Variants in OXR1 observed in about 807,000 individuals in gnomAD.
The protein encoded by OXR1 is oxidation resistance protein 1.
A neutral mutation model predicts 104.6 loss-of-function variants in OXR1; 41 were observed. The observed-to-expected ratio is 0.39, with a 90% CI of 0.31 to 0.51. OXR1 has a LOEUF of 0.51. Ranked by LOEUF, OXR1 falls within the 20% of genes least tolerant of loss-of-function variation. OXR1 has a pLI of 0.77. For missense variants in OXR1, 955 were observed against 1,031.9 expected, an observed-to-expected ratio of 0.93 and a Z score of 1.02; for synonymous variants, 348 against 348.4, an observed-to-expected ratio of 1.00 and a Z score of 0.01.
In OXR1 at chr8:106,706,585, A is replaced by G; in HGVS notation, c.1064A>G (p.Asp355Gly). The part of the protein sequence containing the change: ...SPIREELVSS[D>G]ELRQDKSSGA... Reference sequence around the variant, plus strand: ...ATACGAGAGGAGCTTGTATCTTCAGATGAACTGCGACAAGATAAATCTTCT... The same window carrying G: ...ATACGAGAGGAGCTTGTATCTTCAGGTGAACTGCGACAAGATAAATCTTCT... The change falls in exon 9 of 17, where the codon GAT (aspartate) becomes GGT (glycine). Residue 355 changes from aspartate (D) to glycine (G), a missense_variant. Coordinates refer to ENST00000517566, the MANE Select transcript of OXR1 (RefSeq NM_001198533.2). 6.2e-7 allele frequency: 1 copy of G among 1,612,620 alleles called. No individual in the cohort carries two copies. The highest frequency in any genetic ancestry group is 8.5e-7 in the Non-Finnish European group (1 of 1,179,660).
chr8:106,332,969 T>C (rs1159840742), intron 1 of OXR1, among the ~76,000 whole-genome samples: 1 of 152,166 alleles, frequency 6.6e-6, no homozygotes, highest in Non-Finnish European at 1.5e-5. Flanking sequence ...GTAACATATA[T>C]CATTTATTCA....
intron 3 of OXR1, among the ~76,000 whole-genome samples, chr8:106,631,067 A>G (rs191405619): frequency 1.2e-4 from 18 of 152,326 alleles, no homozygotes; most frequent in African/African-American, 4.1e-4. Flanking sequence ...AAAGTAAGAA[A>G]GACCAACAAT....
chr8:106,574,812 T>A (rs1480711146), intron 3 of OXR1, among the ~76,000 whole-genome samples: 3 of 152,234 alleles, frequency 2.0e-5, no homozygotes, highest in Non-Finnish European at 2.9e-5. Flanking sequence ...GATTCCAGCA[T>A]GTAAAAAATT....
chr8:106,544,074 A>T (rs1815159636), intron 3 of OXR1, among the ~76,000 whole-genome samples: 1 of 152,192 alleles, frequency 6.6e-6, no homozygotes, highest in Non-Finnish European at 1.5e-5. Flanking sequence ...AGCTCCTATA[A>T]GTCTTATGCA....
intron 3 of OXR1, among the ~76,000 whole-genome samples, chr8:106,583,036 G>A (rs1210318356): frequency 1.3e-5 from 2 of 152,112 alleles, no homozygotes; most frequent in Non-Finnish European, 2.9e-5. Context: ...TATTGATTAA[G>A]TTTTTAGTTG....
chr8:106,574,629 C>A (rs921462743), intron 3 of OXR1, among the ~76,000 whole-genome samples: 1 of 152,206 alleles, frequency 6.6e-6, no homozygotes, highest in Non-Finnish European at 1.5e-5. Context: ...TTGGCACAGA[C>A]CCTCTGAAGG....
intron 16 of OXR1, among the ~76,000 whole-genome samples, chr8:106,750,350 A>T (rs1206276954): frequency 3.3e-4 from 43 of 132,024 alleles, no homozygotes; most frequent in Non-Finnish European, 6.1e-4. Context: ...TTTGAGACAG[A>T]GTTTCACTCT....
At chr8:106,430,945 G>C (rs1460830062) in intron 2 of OXR1, among the ~76,000 whole-genome samples, 2 of 152,086 alleles carry the variant, frequency 1.3e-5, no homozygotes, top group African/African-American at 2.4e-5. Flanking sequence ...TTGAATTTGG[G>C]CTGGCTTAGT....
chr8:106,661,576 C>A (rs980833512), intron 3 of OXR1, among the ~76,000 whole-genome samples: 1 of 152,154 alleles, frequency 6.6e-6, no homozygotes, highest in African/African-American at 2.4e-5. Context: ...GTACTCACTT[C>A]ACTAGATTAT....
rs368608912 is a variant in OXR1, at chr8:106,294,217, A to G, written c.-139+23850A>G. ...GGAATTCAAAACCAGCTTGGCCAAC[A>G]TGGTGAAACCCCGTCTCTTAAAGAA... On this transcript the variant is annotated intron_variant, in intron 1 of 16. Coordinates refer to ENST00000517566, the MANE Select transcript of OXR1 (RefSeq NM_001198533.2). Among the ~76,000 whole-genome samples, 3 of 151,582 alleles carry G rather than the reference A, an allele frequency of 2.0e-5. No individual in the cohort carries two copies. In the East Asian group the frequency reaches 5.8e-4, roughly 29 times the overall value.
At chr8:106,672,002 A>AATG (rs1205991441) in intron 3 of OXR1, among the ~76,000 whole-genome samples, 1 of 141,196 alleles carries the variant, frequency 7.1e-6, no homozygotes, top group Non-Finnish European at 1.5e-5. Context: ...TAATAATAAT[A>AATG]ATAAAAGGCT....
At chr8:106,451,536 G>A (rs1169299194) in intron 2 of OXR1, among the ~76,000 whole-genome samples, 1 of 152,100 alleles carries the variant, frequency 6.6e-6, no homozygotes, top group Non-Finnish European at 1.5e-5. Flanking sequence ...TATAATGATT[G>A]TTTTTAATTT....
intron 3 of OXR1, among the ~76,000 whole-genome samples, chr8:106,533,765 A>G (rs1814271052): frequency 7.1e-6 from 1 of 141,552 alleles, no homozygotes; most frequent in Non-Finnish European, 1.5e-5. Flanking sequence ...CCCAGGCTGG[A>G]GTACAATGGC....
intron 1 of OXR1, among the ~76,000 whole-genome samples, chr8:106,339,519 AAT>A (rs756741127): frequency 0.032 from 1,071 of 33,296 alleles, 38 homozygotes; most frequent in Middle Eastern, 0.056. Flanking sequence ...AAAAAAAAAA[AAT>A]ATATATATAT....
At chr8:106,494,944 A>G (rs970799355) in intron 2 of OXR1, among the ~76,000 whole-genome samples, 3 of 152,160 alleles carry the variant, frequency 2.0e-5, no homozygotes, top group East Asian at 1.9e-4. Context: ...ATGAGAGCAC[A>G]GACGTTTCTA....
chr8:106,578,913 C>G (rs1818037079), intron 3 of OXR1, among the ~76,000 whole-genome samples: 1 of 151,956 alleles, frequency 6.6e-6, no homozygotes, highest in Admixed American at 6.6e-5. Context: ...CACCCTGTTC[C>G]CAGCCTGTTC....
chr8:106,475,633 C>T (rs1427370167), intron 2 of OXR1, among the ~76,000 whole-genome samples: 1 of 152,008 alleles, frequency 6.6e-6, no homozygotes, highest in Admixed American at 6.6e-5. Flanking sequence ...GCTTTAGTTT[C>T]AGTGCCCATA....
chr8:106,725,436 A>G (rs1017611212), intron 11 of OXR1, among the ~76,000 whole-genome samples: 25 of 152,276 alleles, frequency 1.6e-4, no homozygotes, highest in African/African-American at 5.8e-4. Context: ...TGAATTCTAG[A>G]TAGTTTTAGT....
intron 1 of OXR1, among the ~76,000 whole-genome samples, chr8:106,306,743 G>C (rs567219941): frequency 6.6e-6 from 1 of 152,172 alleles, no homozygotes; most frequent in Non-Finnish European, 1.5e-5. Flanking sequence ...AAAAGGGAAA[G>C]CAAGAGAACT....
Sources: gnomAD v4.1 joint callset for allele counts (sites outside exome capture counted in the v4.1 genomes callset) on GRCh38, gnomAD v4.1.1 for gene constraint, MANE v1.5 for transcripts, NCBI Gene and HGNC (gene_info 2026-07-23, HGNC 2026-07-21) for gene names.